UBE3C: variants seen among roughly 807,000 people sequenced by gnomAD.
The protein encoded by UBE3C is ubiquitin protein ligase E3C, also known as ubiquitin-protein ligase E3C.
UBE3C carries 42 observed loss-of-function variants against 129.4 expected under a neutral mutation model. The observed-to-expected ratio is 0.32, with a 90% confidence interval of 0.25 to 0.42. UBE3C has a LOEUF of 0.42. UBE3C is among the 10% of genes least tolerant of loss of function. UBE3C has a pLI of 1.00. For synonymous variants in UBE3C, 510 were observed against 492.4 expected (o/e 1.04, Z -0.47); for missense variants, 1,049 against 1,319.1 (o/e 0.80, Z 3.17).
intron 1 of UBE3C, among the ~76,000 whole-genome samples, chr7:157,153,767 A>G (rs552897098): frequency 6.6e-6 from 1 of 152,274 alleles, no homozygotes; most frequent in Non-Finnish European, 1.5e-5. Flanking sequence ...CCTTGAGCCC[A>G]GGAGTTCCAG....
At chr7:157,241,041 G>A (rs961920236) in intron 18 of UBE3C, among the ~76,000 whole-genome samples, 2 of 152,124 alleles carry the variant, frequency 1.3e-5, no homozygotes, top group East Asian at 1.9e-4. Flanking sequence ...GGATTTTAGC[G>A]GGAGGGAAGG....
intron 21 of UBE3C, among the ~76,000 whole-genome samples, chr7:157,254,808 G>A (rs1266318206): frequency 6.6e-6 from 1 of 151,808 alleles, no homozygotes; most frequent in Non-Finnish European, 1.5e-5. Flanking sequence ...GGGAGGCCGG[G>A]GCAGGTGGAT....
At chr7:157,239,090 A>C (rs1470548909) in intron 18 of UBE3C, among the ~76,000 whole-genome samples, 1 of 152,204 alleles carries the variant, frequency 6.6e-6, no homozygotes, top group African/African-American at 2.4e-5. Flanking sequence ...CATCATATTA[A>C]AGCTGAAAAT....
chr7:157,233,978 T>C (rs1008068223), intron 18 of UBE3C, among the ~76,000 whole-genome samples: 1 of 152,258 alleles, frequency 6.6e-6, no homozygotes, highest in Non-Finnish European at 1.5e-5. Flanking sequence ...GCTTCATGAC[T>C]TCTGTTGAGA....
intron 2 of UBE3C, chr7:157,164,530 G>T: frequency 2.3e-6 from 1 of 439,644 alleles, no homozygotes; most frequent in Non-Finnish European, 4.6e-6. Context: ...TTGTGAAGAA[G>T]GTAAAAGAAA....
chr7:157,139,381 G>A (rs1333459898), intron 1 of UBE3C, 43 bp downstream of exon 1: 11 of 1,461,024 alleles, frequency 7.5e-6, no homozygotes, highest in South Asian at 6.2e-5. Context: ...CGGGGCCTGC[G>A]CGGCCGGGGC....
chr7:157,217,795 C>T (rs1320005561), intron 14 of UBE3C, among the ~76,000 whole-genome samples: 1 of 152,068 alleles, frequency 6.6e-6, no homozygotes. Context: ...TGAGACTGTG[C>T]CATTGCACTC....
At chr7:157,166,937 TGGTG>T (rs1341727921) in intron 2 of UBE3C, among the ~76,000 whole-genome samples, 5 of 137,802 alleles carry the variant, frequency 3.6e-5, no homozygotes, top group South Asian at 4.5e-4. Context: ...GTGGTGGTGG[TGGTG>T]GTTTTTGAGA....
chr7:157,215,175 T>C (rs1335394299), intron 13 of UBE3C, among the ~76,000 whole-genome samples: 1 of 152,210 alleles, frequency 6.6e-6, no homozygotes, highest in Non-Finnish European at 1.5e-5. Flanking sequence ...CAGTTTTATC[T>C]GCATGACCAA....
At chr7:157,216,719 A>G (rs928096751) in intron 13 of UBE3C, 148 bp from the exon 14 acceptor site, 5 of 644,478 alleles carry the variant, frequency 7.8e-6, no homozygotes, top group Middle Eastern at 2.8e-4. Context: ...GGCAAAAAGA[A>G]GCCCTTTTCT....
intron 10 of UBE3C, chr7:157,198,246 C>T: frequency 2.3e-6 from 3 of 1,284,028 alleles, no homozygotes; most frequent in African/African-American, 1.5e-5. Flanking sequence ...GTATCCTCCA[C>T]CTGTAAATGA....
At chr7:157,164,009 A>G in intron 2 of UBE3C, 146 bp downstream of exon 2, 2 of 762,454 alleles carry the variant, frequency 2.6e-6, no homozygotes, top group East Asian at 2.9e-5. Context: ...CTTTAGAAAC[A>G]TTTATTCTGG....
chr7:157,157,239 A>G (rs1416228213), intron 1 of UBE3C, among the ~76,000 whole-genome samples: 1 of 152,214 alleles, frequency 6.6e-6, no homozygotes, highest in Non-Finnish European at 1.5e-5. Flanking sequence ...CATGCTGTGC[A>G]TATAATCCTA....
In UBE3C at chr7:157,231,204, C is replaced by T. The variant is rs1031423914; in HGVS notation, c.2358C>T (p.Asn786=). 2.5e-6 allele frequency: 4 copies of T among 1,613,940 alleles called. No individual in the cohort carries two copies. The African/African-American group carries it at 5.3e-5, about 22-fold the overall frequency. ...FLNELLKSGF[N]PNQGFFKTTN... ...ATGAACTACTGAAGTCAGGATTTAA[C>T]CCCAACCAGGGGTTCTTTAAGACTA... The change falls in exon 18 of 23, where the codon AAC becomes AAT. Residue 786 remains asparagine (N), a synonymous_variant. Transcript: ENST00000348165.
intron 1 of UBE3C, among the ~76,000 whole-genome samples, chr7:157,156,424 A>G (rs1807907676): frequency 6.7e-6 from 1 of 148,618 alleles, no homozygotes; most frequent in Non-Finnish European, 1.5e-5. Flanking sequence ...CTTGTGCCTC[A>G]GCCTTTCAAG....
chr7:157,148,749 T>C (rs979920156), intron 1 of UBE3C, among the ~76,000 whole-genome samples: 3 of 150,352 alleles, frequency 2.0e-5, no homozygotes, highest in South Asian at 2.1e-4. Context: ...TTTTTTTTTT[T>C]CCTTTAAGAG....
chr7:157,198,282 T>C, intron 10 of UBE3C: 1 of 952,512 alleles, frequency 1.0e-6, no homozygotes. Flanking sequence ...CGTGGGCTCT[T>C]GAAGACTGCA....
intron 17 of UBE3C, among the ~76,000 whole-genome samples, chr7:157,227,457 G>T (rs1795910617): frequency 1.3e-5 from 2 of 152,236 alleles, no homozygotes; most frequent in East Asian, 3.9e-4. Context: ...CCAGCACTTT[G>T]GGAGGCTGAG....
chr7:157,241,775 G>A (rs1796333084), intron 18 of UBE3C, among the ~76,000 whole-genome samples: 1 of 152,198 alleles, frequency 6.6e-6, no homozygotes, highest in Non-Finnish European at 1.5e-5. Context: ...CCCATCAGCT[G>A]ACAAACGGGT....
Sources: gnomAD v4.1 joint callset for allele counts (sites outside exome capture counted in the v4.1 genomes callset) on GRCh38, gnomAD v4.1.1 for gene constraint, MANE v1.5 for transcripts, NCBI Gene and HGNC (gene_info 2026-07-23, HGNC 2026-07-21) for gene names.